CEP63: variants seen among roughly 807,000 people sequenced by gnomAD.
The protein encoded by CEP63 is centrosomal protein 63, also known as centrosomal protein of 63 kDa.
A neutral mutation model predicts 89.1 loss-of-function variants in CEP63; 84 were observed. That is an observed-to-expected ratio of 0.94 (90% CI 0.79 to 1.13). The LOEUF (loss-of-function observed/expected upper bound fraction) is 1.13, where lower values mean the gene tolerates loss of function less well. Ranked by LOEUF, CEP63 falls within the 50% of genes most tolerant of loss-of-function variation. The probability of loss-of-function intolerance (pLI) is 0.00; values close to 1 mark genes in which losing one functional copy is unlikely to be tolerated. For synonymous variants in CEP63, 267 were observed against 272.5 expected (o/e 0.98, Z 0.20); for missense variants, 838 against 813.3 (o/e 1.03, Z -0.37).
At chr3:134,553,724 G>C (rs147701607) in intron 12 of CEP63, among the ~76,000 whole-genome samples, 1 of 152,316 alleles carries the variant, frequency 6.6e-6, no homozygotes, top group East Asian at 1.9e-4. Context: ...CTAGAGGACA[G>C]CTTAGCAATA....
At chr3:134,699,144 C>T in the CEP63 span, among the ~76,000 whole-genome samples, 9 of 152,146 alleles carry the variant, frequency 5.9e-5, no homozygotes, top group African/African-American at 2.2e-4. Flanking sequence ...TGTGGACTGC[C>T]CTGGATAAAC....
At chr3:134,603,397 G>T in the CEP63 span, 1 of 570,488 alleles carries the variant, frequency 1.8e-6, no homozygotes, top group Non-Finnish European at 3.0e-6. Context: ...AGCCACACCT[G>T]AGTGAAGCCT....
the CEP63 span, chr3:134,608,588 G>C: frequency 5.6e-6 from 9 of 1,613,450 alleles, no homozygotes; most frequent in Non-Finnish European, 7.6e-6. Context: ...CGGGCTCCTG[G>C]AGGACAGTGC....
At chr3:134,650,282 C>T in the CEP63 span, among the ~76,000 whole-genome samples, 1 of 152,228 alleles carries the variant, frequency 6.6e-6, no homozygotes, top group Non-Finnish European at 1.5e-5. Context: ...ACCTGCGTTC[C>T]TTTTACGCCT....
downstream of CEP63, among the ~76,000 whole-genome samples, chr3:134,575,879 G>A (rs1253596216): frequency 2.0e-5 from 3 of 152,182 alleles, no homozygotes; most frequent in African/African-American, 7.2e-5. Flanking sequence ...CAAAGTGCTA[G>A]GATTACAGGC....
chr3:134,548,105 C>T (rs767405666), intron 9 of CEP63, among the ~76,000 whole-genome samples: 19 of 152,154 alleles, frequency 1.2e-4, no homozygotes, highest in African/African-American at 1.7e-4. Flanking sequence ...CTGAATCTAT[C>T]CACTGGTATA....
chr3:134,681,643 C>G, the CEP63 span, among the ~76,000 whole-genome samples: 3 of 152,190 alleles, frequency 2.0e-5, no homozygotes, highest in African/African-American at 4.8e-5. Context: ...TGGAGTTTAT[C>G]CATTCCTGCG....
At chr3:134,574,291 G>T (rs939670958) in intron 11 of CEP63, among the ~76,000 whole-genome samples, 18 of 152,192 alleles carry the variant, frequency 1.2e-4, no homozygotes, top group African/African-American at 4.3e-4. Flanking sequence ...GCTCAGGTGG[G>T]CACAGCTCTA....
the CEP63 span, among the ~76,000 whole-genome samples, chr3:134,746,238 A>G: frequency 0.52 from 78,805 of 151,390 alleles, 23,797 homozygotes; most frequent in East Asian, 0.78. Context: ...GTCCCTACAA[A>G]GGACATGAAC....
the CEP63 span, among the ~76,000 whole-genome samples, chr3:134,714,171 A>G: frequency 1.6e-4 from 25 of 152,346 alleles, no homozygotes; most frequent in South Asian, 4.8e-3. Context: ...AAACTTGTGC[A>G]TGGAAATTGG....
At chr3:134,561,174 G>A (rs190882042) in intron 14 of CEP63, among the ~76,000 whole-genome samples, 226 of 152,206 alleles carry the variant, frequency 1.5e-3, no homozygotes, top group Non-Finnish European at 2.5e-3. Context: ...GGTCAGAAAC[G>A]GAGAGATCTG....
chr3:134,516,531 G>C (rs1444685632), intron 3 of CEP63, among the ~76,000 whole-genome samples: 1 of 152,168 alleles, frequency 6.6e-6, no homozygotes, highest in African/African-American at 2.4e-5. Context: ...CCATGAGGCC[G>C]AATTTCAGAC....
the CEP63 span, among the ~76,000 whole-genome samples, chr3:134,737,705 A>G: frequency 2.0e-5 from 3 of 152,196 alleles, no homozygotes; most frequent in Non-Finnish European, 1.5e-5. Flanking sequence ...TGCAGGGGCA[A>G]TGTGGCTTCT....
chr3:134,709,165 T>C, the CEP63 span, among the ~76,000 whole-genome samples: 3 of 152,102 alleles, frequency 2.0e-5, no homozygotes, highest in South Asian at 4.2e-4. Flanking sequence ...GAGCTTCCCA[T>C]GAGAGAGGAG....
intron 14 of CEP63, among the ~76,000 whole-genome samples, chr3:134,560,955 A>C (rs1006365353): frequency 2.6e-5 from 4 of 152,264 alleles, no homozygotes; most frequent in Non-Finnish European, 5.9e-5. Flanking sequence ...CTGTGGACTG[A>C]AAATTTGGAG....
the CEP63 span, among the ~76,000 whole-genome samples, chr3:134,598,943 G>C: frequency 6.6e-6 from 1 of 152,312 alleles, no homozygotes; most frequent in Non-Finnish European, 1.5e-5. Flanking sequence ...CTTCCCCTTT[G>C]GTCCCTCTGC....
intron 5 of CEP63, chr3:134,536,509 T>G (rs1950803954): frequency 6.4e-6 from 1 of 155,202 alleles, no homozygotes; most frequent in South Asian, 2.0e-4. Flanking sequence ...TTGATGTTAC[T>G]ATTGATCCAT....
chr3:134,648,389 C>T, the CEP63 span, among the ~76,000 whole-genome samples: 1 of 152,190 alleles, frequency 6.6e-6, no homozygotes, highest in South Asian at 2.1e-4. Context: ...CCACTTGGAA[C>T]CCTCATGACA....
chr3:134,693,042 CT>C, the CEP63 span, among the ~76,000 whole-genome samples: 5 of 152,186 alleles, frequency 3.3e-5, no homozygotes, highest in Non-Finnish European at 5.9e-5. Context: ...CACCCCATAT[CT>C]TTTCTCCCCC....
Sources: allele counts gnomAD v4.1 joint callset (sites outside exome capture counted in the v4.1 genomes callset), GRCh38; gene constraint gnomAD v4.1.1; transcripts MANE v1.5; gene names NCBI Gene and HGNC (gene_info 2026-07-23, HGNC 2026-07-21).